Variants in CHIC2 observed in about 807,000 individuals in gnomAD.
CHIC2 encodes the protein cysteine rich hydrophobic domain 2, also known as cysteine-rich hydrophobic domain-containing protein 2.
In CHIC2, 14 loss-of-function variants were observed where a neutral mutation model predicts 25.9. The observed-to-expected ratio is 0.54, with a 90% CI of 0.36 to 0.85. The LOEUF (loss-of-function observed/expected upper bound fraction) is 0.85, where lower values mean the gene tolerates loss of function less well. Among genes scored for constraint, CHIC2 ranks in the 40% least tolerant of loss-of-function variants. The pLI is 0.01. For synonymous variants in CHIC2, 70 were observed against 72.0 expected (o/e 0.97, Z 0.14); for missense variants, 146 against 202.0 (o/e 0.72, Z 1.68).
At chr4:54,071,497 G>T in the CHIC2 span, among the ~76,000 whole-genome samples, 1 of 152,182 alleles carries the variant, frequency 6.6e-6, no homozygotes, top group African/African-American at 2.4e-5. Context: ...AGGTAACTTG[G>T]CCAAGGCCAC....
the CHIC2 span, among the ~76,000 whole-genome samples, chr4:54,079,014 C>T: frequency 6.0e-5 from 9 of 150,840 alleles, no homozygotes; most frequent in African/African-American, 1.9e-4. Flanking sequence ...GTCAGGAGTT[C>T]GAGACCAGCC....
At chr4:54,022,405 T>C (rs1715929598) in intron 3 of CHIC2, among the ~76,000 whole-genome samples, 2 of 152,092 alleles carry the variant, frequency 1.3e-5, no homozygotes, top group South Asian at 2.1e-4. Flanking sequence ...CACATTACCT[T>C]ATTTTCAACG....
At position 54,014,127 on chromosome 4, in the gene CHIC2, A is replaced by G. The variant is rs1715673430; in HGVS notation, c.331-8T>C. The G allele has an allele frequency of 6.2e-7, 1 of 1,612,662 alleles. No individual in the cohort carries two copies. Among genetic ancestry groups the G allele is most frequent in the Non-Finnish European group, 8.5e-7 (1 of 1,179,318 alleles). ...CTCAATCGATCTTCGTGTCTGGAAG[A>G]CAAATGAGAAAAAAGTTTACTCTTG... On this transcript the variant is annotated splice_polypyrimidine_tract_variant and splice_region_variant and intron_variant, in intron 3 of 5. Coordinates refer to ENST00000263921, the MANE Select transcript of CHIC2 (RefSeq NM_012110.4).
intron 3 of CHIC2, among the ~76,000 whole-genome samples, chr4:54,031,206 G>A (rs1716218618): frequency 6.6e-6 from 1 of 151,534 alleles, no homozygotes; most frequent in African/African-American, 2.4e-5. Context: ...CGCTGAGAGA[G>A]GTTTTAAGCA....
the CHIC2 span, among the ~76,000 whole-genome samples, chr4:54,084,271 C>A: frequency 1.2e-4 from 19 of 152,150 alleles, no homozygotes; most frequent in Non-Finnish European, 1.9e-4. Context: ...ATTTTAATAG[C>A]AACTGTCTCC....
intron 1 of CHIC2, among the ~76,000 whole-genome samples, chr4:54,050,982 C>G (rs1166540913): frequency 1.3e-5 from 2 of 152,072 alleles, no homozygotes; most frequent in Admixed American, 6.6e-5. Context: ...AGAACTTTAC[C>G]TCCTGCACCT....
At chr4:54,052,848 G>A (rs937190319) in intron 1 of CHIC2, among the ~76,000 whole-genome samples, 4 of 152,056 alleles carry the variant, frequency 2.6e-5, no homozygotes, top group Non-Finnish European at 5.9e-5. Flanking sequence ...TTTCTCTTTA[G>A]AAATGTAATA....
intron 3 of CHIC2, among the ~76,000 whole-genome samples, chr4:54,021,319 T>C (rs1715894429): frequency 6.6e-6 from 1 of 152,148 alleles, no homozygotes; most frequent in Admixed American, 6.5e-5. Context: ...CCCTCCCTAG[T>C]CTCTGCTCCC....
chr4:54,090,271 C>T, the CHIC2 span, among the ~76,000 whole-genome samples: 1 of 152,130 alleles, frequency 6.6e-6, no homozygotes, highest in Non-Finnish European at 1.5e-5. Context: ...ACTGCAACCT[C>T]CACCTCTCAG....
intron 1 of CHIC2, among the ~76,000 whole-genome samples, chr4:54,053,818 T>C (rs1320996612): frequency 1.3e-5 from 2 of 151,990 alleles, no homozygotes; most frequent in Non-Finnish European, 2.9e-5. Context: ...TGAGACAGAG[T>C]CTCGCTTTGT....
rs571560562 is a variant in CHIC2 at position 54,028,737 on chromosome 4, T to C, written c.331-14618A>G. Among the ~76,000 whole-genome samples, 56 of 152,350 alleles carry C rather than the reference T, an allele frequency of 3.7e-4. No individual in the cohort carries two copies. The South Asian group carries it at 0.012, about 32-fold the overall frequency. On this transcript the variant is annotated intron_variant, in intron 3 of 5. Coordinates refer to ENST00000263921, the MANE Select transcript of CHIC2 (RefSeq NM_012110.4). ...ACATATTTTCCATTTTATAGCAAAA[T>C]CTTTCAAGTTAAACATCAGGAATTT... is the stretch of plus-strand genomic sequence containing the variant.
At chr4:54,044,582 A>T (rs1236955947) in intron 3 of CHIC2, among the ~76,000 whole-genome samples, 1 of 152,070 alleles carries the variant, frequency 6.6e-6, no homozygotes, top group Non-Finnish European at 1.5e-5. Flanking sequence ...AGAAATAAAG[A>T]TGTCCTTTGA....
At chr4:54,038,415 A>G (rs2110076670) in intron 3 of CHIC2, among the ~76,000 whole-genome samples, 1 of 152,346 alleles carries the variant, frequency 6.6e-6, no homozygotes. Context: ...AAGCTAATAA[A>G]ACATGAGCAT....
chr4:54,061,299 G>C (rs1717325980), intron 1 of CHIC2: 1 of 152,000 alleles, frequency 6.6e-6, no homozygotes, highest in South Asian at 2.1e-4. Flanking sequence ...CGTCACGTGA[G>C]AATACCAGTT....
chr4:54,077,479 A>C, the CHIC2 span, among the ~76,000 whole-genome samples: 1 of 152,214 alleles, frequency 6.6e-6, no homozygotes, highest in African/African-American at 2.4e-5. Context: ...CTGTCTGGCA[A>C]TTTAAGAGTT....
At chr4:54,079,370 A>G in the CHIC2 span, among the ~76,000 whole-genome samples, 1 of 152,036 alleles carries the variant, frequency 6.6e-6, no homozygotes, top group African/African-American at 2.4e-5. Context: ...TTTTTTTTGG[A>G]TGTGATACCA....
upstream of CHIC2, among the ~76,000 whole-genome samples, chr4:54,066,882 GTGGCTGAGAATTCACCCT>G (rs1717530334): frequency 6.6e-6 from 1 of 152,234 alleles, no homozygotes; most frequent in African/African-American, 2.4e-5. Flanking sequence ...ACACCTGGCT[GTGGCTGAGAATTCACCCT>G]TATGTAGAAA....
chr4:54,028,920 T>C (rs965693128), intron 3 of CHIC2, among the ~76,000 whole-genome samples: 1 of 152,098 alleles, frequency 6.6e-6, no homozygotes, highest in Non-Finnish European at 1.5e-5. Context: ...GTCAGAAGAT[T>C]AAGACCATCC....
intron 3 of CHIC2, among the ~76,000 whole-genome samples, chr4:54,031,473 T>A (rs1368637407): frequency 6.6e-6 from 1 of 152,114 alleles, no homozygotes; most frequent in African/African-American, 2.4e-5. Flanking sequence ...TGCTAGGCAC[T>A]GTGACAGCAC....
Sources: gnomAD v4.1 joint callset for allele counts (sites outside exome capture counted in the v4.1 genomes callset) on GRCh38, gnomAD v4.1.1 for gene constraint, MANE v1.5 for transcripts, NCBI Gene and HGNC (gene_info 2026-07-23, HGNC 2026-07-21) for gene names.